Variants in HERC2 observed in about 807,000 individuals in gnomAD.
HERC2 encodes the protein HECT and RLD domain containing E3 ubiquitin protein ligase 2, also known as E3 ubiquitin-protein ligase HERC2.
A neutral mutation model predicts 537.7 loss-of-function variants in HERC2; 102 were observed. The observed-to-expected ratio is 0.19, with a 90% CI of 0.16 to 0.22. The LOEUF (loss-of-function observed/expected upper bound fraction) is 0.22, where lower values mean the gene tolerates loss of function less well. Among genes scored for constraint, HERC2 ranks in the 10% least tolerant of loss-of-function variants. The probability of loss-of-function intolerance (pLI) is 1.00; values close to 1 mark genes in which losing one functional copy is unlikely to be tolerated. For synonymous variants in HERC2, 2,224 were observed against 2,466.2 expected, an observed-to-expected ratio of 0.90 and a Z score of 2.91; for missense variants, 4,236 against 6,198.2, an observed-to-expected ratio of 0.68 and a Z score of 10.63.
chr15:28,144,645 C>A (rs374898463), intron 72 of HERC2, 28 bp downstream of exon 72: 2 of 1,614,158 alleles, frequency 1.2e-6, no homozygotes, highest in Non-Finnish European at 1.7e-6. Context: ...AGTCATCTAA[C>A]CTTGATCGCC....
intron 78 of HERC2, 66 bp downstream of exon 78, chr15:28,141,366 C>T: frequency 2.8e-6 from 4 of 1,439,058 alleles, no homozygotes; most frequent in Non-Finnish European, 3.9e-6. Flanking sequence ...CTAAGAACCA[C>T]ACAGCACCTT....
chr15:28,306,904 A>G (rs1485784261), intron 2 of HERC2, among the ~76,000 whole-genome samples: 1 of 152,208 alleles, frequency 6.6e-6, no homozygotes, highest in Non-Finnish European at 1.5e-5. Context: ...ACATGATCTC[A>G]GCACACTGCA....
In HERC2 at chr15:28,195,055, C is replaced by CA. The variant is rs1432989896; in HGVS notation, c.8260+1159dup. ...TGGGCAACAGAGTGAGACTCCGTCT[C>CA]AAAAAAAAAAAAAATTAAAATATGT... On this transcript the variant is annotated intron_variant, in intron 52 of 92. Coordinates refer to ENST00000261609, the MANE Select transcript of HERC2 (RefSeq NM_004667.6). 5.5e-3 allele frequency among the ~76,000 whole-genome samples: 539 copies of CA among 97,902 alleles called. 2 individuals carry two copies. Among genetic ancestry groups the CA allele is most frequent in the African/African-American group, 0.011 (285 of 26,002 alleles). 64.2% of individuals were successfully genotyped at this position (97,902 alleles called of 152,430 possible).
chr15:28,266,030 T>C, intron 12 of HERC2, 56 bp from the exon 13 acceptor site: 1 of 1,576,278 alleles, frequency 6.3e-7, no homozygotes, highest in Non-Finnish European at 8.7e-7. Flanking sequence ...TATTTCTTAT[T>C]AATGTTAACA....
intron 70 of HERC2, among the ~76,000 whole-genome samples, chr15:28,152,342 G>C (rs1892546882): frequency 6.6e-6 from 1 of 152,180 alleles, no homozygotes; most frequent in Non-Finnish European, 1.5e-5. Flanking sequence ...AGTCAGTGAT[G>C]GATCAATATC....
chr15:28,171,220 C>G (rs1379513489), intron 65 of HERC2, among the ~76,000 whole-genome samples: 2 of 152,096 alleles, frequency 1.3e-5, no homozygotes, highest in Non-Finnish European at 2.9e-5. Flanking sequence ...ATAGTCAAAA[C>G]CTAGAAATAA....
chr15:28,300,534 G>A (rs1393932697), intron 2 of HERC2, among the ~76,000 whole-genome samples: 1 of 151,428 alleles, frequency 6.6e-6, no homozygotes, highest in South Asian at 2.1e-4. Flanking sequence ...TAGAAATTAA[G>A]GTTTTAGGCC....
At chr15:28,306,133 C>A (rs529491724) in intron 2 of HERC2, among the ~76,000 whole-genome samples, 6 of 152,182 alleles carry the variant, frequency 3.9e-5, no homozygotes, top group Non-Finnish European at 7.4e-5. Flanking sequence ...CAGTGGGCAT[C>A]CGTGTCTTGT....
rs1260573450 is a variant in HERC2, at chr15:28,115,420, G to A, written c.13722+9C>T. On this transcript the variant is annotated intron_variant, in intron 89 of 92. Transcript: ENST00000261609. ...CCTAGAGGCCCCGCCTGCCGCCCCA[G>A]GGAGTTACCTCACTGAGGTCCGCGA... is the stretch of plus-strand genomic sequence containing the variant. 1.2e-6 allele frequency: 2 copies of A among 1,606,510 alleles called. No individual in the cohort carries two copies. The highest frequency in any genetic ancestry group is 8.5e-7 in the Non-Finnish European group (1 of 1,173,614).
chr15:28,192,768 C>T (rs59660294), intron 52 of HERC2, among the ~76,000 whole-genome samples: 12,256 of 152,070 alleles, frequency 0.081, 1,712 homozygotes, highest in African/African-American at 0.28. Context: ...GTCCCTGAGA[C>T]GACACATAGC....
intron 5 of HERC2, among the ~76,000 whole-genome samples, chr15:28,276,204 A>C (rs1337175546): frequency 2.0e-5 from 3 of 150,888 alleles, no homozygotes; most frequent in African/African-American, 7.3e-5. Flanking sequence ...AAAAAAAAAA[A>C]AAAAAAAAAA....
chr15:28,165,507 G>A (rs1894038625), intron 68 of HERC2, among the ~76,000 whole-genome samples: 1 of 151,956 alleles, frequency 6.6e-6, no homozygotes, highest in African/African-American at 2.4e-5. Flanking sequence ...AAATACTGAT[G>A]TAGGCCAAAC....
Position 28,205,121 on chromosome 15 carries a change from G to GA in HERC2, c.7212+1118dup, listed in dbSNP as rs1898285487. Reference sequence around the variant, plus strand: ...ATAGAAAATACGAAAAGCAACCACAGAAAAAAGACATTTCATGAAAAAGAA... The same window carrying GA: ...ATAGAAAATACGAAAAGCAACCACAGAAAAAAAGACATTTCATGAAAAAGAA... On this transcript the variant is annotated intron_variant, in intron 45 of 92. Transcript: ENST00000261609. 3.3e-5 allele frequency among the ~76,000 whole-genome samples: 5 copies of GA among 152,038 alleles called. No individual in the cohort carries two copies. In the South Asian group the frequency reaches 1.0e-3, roughly 32 times the overall value.
Position 28,218,641 on chromosome 15 carries a change from G to C in HERC2, c.5876C>G (p.Pro1959Arg). 5.0e-6 allele frequency: 8 copies of C among 1,587,190 alleles called. No individual in the cohort carries two copies. Among genetic ancestry groups the C allele is most frequent in the Non-Finnish European group, 6.8e-6 (8 of 1,169,840 alleles). ...AGTGCTGGTAAACATCATTGCAGTG[G>C]GGTGAATGTTCCTTTCAGTTTGTTC... ...EAEQTERNIH[P>R]TAMMFTSTIN... is the part of the protein sequence containing the mutation. Residue 1959 changes from proline (P) to arginine (R), a missense_variant, in exon 38 of 93, where the codon CCC (proline) becomes CGC (arginine). Physicochemically the swap from Pro to Arg is moderately radical, Grantham distance 103. Coordinates refer to ENST00000261609, the MANE Select transcript of HERC2 (RefSeq NM_004667.6).
Position 28,191,996 on chromosome 15 carries a change from C to G in HERC2, c.8416G>C (p.Glu2806Gln), listed in dbSNP as rs763730325. The G allele has an allele frequency of 2.5e-6, 4 of 1,613,688 alleles. 1 individual carries two copies. In the South Asian group the frequency reaches 3.3e-5, roughly 13 times the overall value. The change falls in exon 53 of 93, where the codon GAG becomes CAG. Residue 2806 changes from glutamate (E) to glutamine (Q), a missense_variant. Coordinates refer to ENST00000261609, the MANE Select transcript of HERC2 (RefSeq NM_004667.6). ...NQASRLIDGS[E>Q]PCWQSSGSQG... ...GACCCCGATGACTGCCAGCAGGGCT[C>G]GCTGCCGTCAATGAGACGGGATGCC...
intron 2 of HERC2, among the ~76,000 whole-genome samples, chr15:28,299,821 C>T (rs1280640036): frequency 2.0e-5 from 3 of 151,904 alleles, no homozygotes; most frequent in African/African-American, 2.4e-5. Flanking sequence ...GGAGGCCGAG[C>T]GGGGCACATC....
intron 2 of HERC2, chr15:28,315,635 A>G (rs2077061619): frequency 8.7e-6 from 5 of 576,646 alleles, no homozygotes. Context: ...TCTACTAAAA[A>G]TATAAAAAAT....
intron 70 of HERC2, among the ~76,000 whole-genome samples, chr15:28,147,974 C>A (rs1471629543): frequency 2.0e-5 from 3 of 151,228 alleles, no homozygotes; most frequent in Non-Finnish European, 4.4e-5. Context: ...GAGGTCGAGG[C>A]TGCAGTGAGT....
rs1898009016 is a variant in HERC2 at position 28,202,409 on chromosome 15, C to T, written c.7418G>A (p.Arg2473Lys). The change falls in exon 46 of 93, where the codon AGG becomes AAG. Residue 2473 changes from arginine (R) to lysine (K), a missense_variant. Arg to Lys is a conservative substitution (Grantham distance 26). Transcript: ENST00000261609. Reference protein sequence around the residue: ...VQLMEMGFSRRNIEFALKSLT... With the variant: ...VQLMEMGFSRKNIEFALKSLT... ...AGACTTCAGGGCAAACTCGATGTTC[C>T]TTCTGGAAAATCCCATCTCCATGAG... is the stretch of plus-strand genomic sequence containing the variant. 2 of 1,611,018 alleles carry T rather than the reference C, an allele frequency of 1.2e-6. No individual in the cohort carries two copies. Among genetic ancestry groups the T allele is most frequent in the African/African-American group, 1.3e-5 (1 of 74,776 alleles).
Sources: allele counts gnomAD v4.1 joint callset (sites outside exome capture counted in the v4.1 genomes callset), GRCh38; gene constraint gnomAD v4.1.1; transcripts MANE v1.5; gene names NCBI Gene and HGNC (gene_info 2026-07-23, HGNC 2026-07-21).